SRPRB: variants seen among roughly 807,000 people sequenced by gnomAD.
The protein encoded by SRPRB is signal recognition particle receptor subunit beta.
In SRPRB, 20 loss-of-function variants were observed where a neutral mutation model predicts 31.9. The ratio of observed to expected loss-of-function variants is 0.63; its 90% CI spans 0.44 to 0.91. The LOEUF (loss-of-function observed/expected upper bound fraction) is 0.91. Among genes scored for constraint, SRPRB ranks in the 40% least tolerant of loss-of-function variants. SRPRB has a pLI of 0.00. For synonymous variants in SRPRB, 146 were observed against 132.8 expected (o/e 1.10, Z -0.68); for missense variants, 321 against 324.9 (o/e 0.99, Z 0.09).
At chr3:133,795,341 C>G (rs1405709833) in intron 1 of SRPRB, 1 of 152,160 alleles carries the variant, frequency 6.6e-6, no homozygotes, top group Non-Finnish European at 1.5e-5. Flanking sequence ...GCTGTATTCT[C>G]TCAACGGTTT....
downstream of SRPRB, chr3:133,827,933 T>C (rs534397183): frequency 1.4e-6 from 1 of 702,848 alleles, no homozygotes; most frequent in East Asian, 2.7e-5. Context: ...GAAGTACACA[T>C]GGCACCCCAG....
chr3:133,789,984 C>T (rs116610983), intron 1 of SRPRB: 275 of 140,668 alleles, frequency 2.0e-3, no homozygotes, highest in African/African-American at 6.3e-3. Context: ...AACTTTGAGG[C>T]TCTTACTTAG....
At chr3:133,817,482 T>C (rs896893510) in intron 6 of SRPRB, among the ~76,000 whole-genome samples, 2 of 152,202 alleles carry the variant, frequency 1.3e-5, no homozygotes, top group African/African-American at 4.8e-5. Context: ...TTAAAATACT[T>C]GGCAATATTA....
intron 2 of SRPRB, among the ~76,000 whole-genome samples, 190 bp downstream of exon 2, chr3:133,806,893 CTTTTT>C (rs76635982): frequency 6.7e-6 from 1 of 148,762 alleles, no homozygotes; most frequent in Non-Finnish European, 1.5e-5. Context: ...GTCATTTCTC[CTTTTT>C]TTTTTCTGTT....
rs1443951889 is a variant in SRPRB at position 133,805,838 on chromosome 3, G to A, written c.-11G>A. 6.2e-7 allele frequency: 1 copy of A among 1,603,084 alleles called. No homozygotes were observed. The highest frequency in any genetic ancestry group is 8.5e-7 in the Non-Finnish European group (1 of 1,174,856). ...TCGCTTTTGCTGTACCGGGGACCAC[G>A]CGTCTCATCCATGGCTTCCGCGGAC... On this transcript the variant is annotated 5_prime_UTR_variant, in exon 1 of 7. Transcript: ENST00000678299.
At chr3:133,784,471 A>AAAAAATAATAAT (rs763086171) in intron 1 of SRPRB, 24 of 105,596 alleles carry the variant, frequency 2.3e-4, no homozygotes, top group African/African-American at 9.0e-4. Flanking sequence ...TTTGTTAAAA[A>AAAAAATAATAAT]AATAATAATA....
chr3:133,825,655 G>A (rs1312992440), downstream of SRPRB: 3 of 152,192 alleles, frequency 2.0e-5, no homozygotes, highest in Non-Finnish European at 4.4e-5. Context: ...GTTTCCACTT[G>A]TAAATAGGCT....
chr3:133,807,811 C>T lies in SRPRB; in HGVS notation c.315C>T (p.Val105=), dbSNP rs112398870. The part of the protein sequence containing the change: ...SITDSCAVYR[V]NNNRGNSLTL... The stretch of plus-strand genomic sequence containing the variant: ...CTGACAGCTGTGCTGTATACAGAGT[C>T]AACAATAACAGGGTAAGATGTTTGT... Residue 105 remains valine, a synonymous_variant, in exon 3 of 7, where the codon GTC becomes GTT. Transcript: ENST00000678299. 3,923 of 1,609,990 alleles carry T rather than the reference C, an allele frequency of 2.4e-3. 82 individuals are homozygous for T. The African/African-American group carries it at 0.044, about 18-fold the overall frequency.
intron 3 of SRPRB, among the ~76,000 whole-genome samples, chr3:133,809,771 A>C (rs1181274986): frequency 6.6e-6 from 1 of 152,212 alleles, no homozygotes; most frequent in Admixed American, 6.5e-5. Flanking sequence ...AAGAACGTAA[A>C]GTATCATTAA....
intron 1 of SRPRB, chr3:133,792,080 T>C (rs1934853657): frequency 6.6e-6 from 1 of 152,194 alleles, no homozygotes; most frequent in Admixed American, 6.5e-5. Flanking sequence ...TGCTTTAAGG[T>C]CATAAACCGC....
At chr3:133,816,803 T>C in intron 5 of SRPRB, 75 bp from the exon 6 acceptor site, 1 of 1,176,258 alleles carries the variant, frequency 8.5e-7, no homozygotes, top group South Asian at 1.6e-5. Flanking sequence ...ATAGGAATTT[T>C]CCTTCTGTGT....
At chr3:133,799,368 G>A (rs1935028323) in intron 1 of SRPRB, among the ~76,000 whole-genome samples, 1 of 152,144 alleles carries the variant, frequency 6.6e-6, no homozygotes, top group African/African-American at 2.4e-5. Flanking sequence ...GTGCAGTAGA[G>A]CTATATGAAC....
chr3:133,802,867 A>T (rs898345823), upstream of SRPRB, among the ~76,000 whole-genome samples: 2 of 152,216 alleles, frequency 1.3e-5, no homozygotes, highest in African/African-American at 4.8e-5. Flanking sequence ...GACAATTTTC[A>T]TTCTGGCTAC....
chr3:133,823,686 G>T (rs1191604891), downstream of SRPRB, among the ~76,000 whole-genome samples: 2 of 152,132 alleles, frequency 1.3e-5, no homozygotes, highest in Non-Finnish European at 2.9e-5. Flanking sequence ...CTGGCTTTCT[G>T]AGCATCTTTT....
intron 6 of SRPRB, 146 bp from the exon 7 acceptor site, chr3:133,819,407 T>A: frequency 8.2e-6 from 3 of 366,558 alleles, no homozygotes; most frequent in Non-Finnish European, 1.3e-5. Context: ...GACTTATAAA[T>A]GCAAAGGATT....
rs369079703 is a variant in SRPRB, at chr3:133,799,555, T to C, written c.-173-6121T>C. 5.9e-5 allele frequency among the ~76,000 whole-genome samples: 9 copies of C among 152,350 alleles called. No homozygotes were observed. The East Asian group carries it at 1.2e-3, about 20-fold the overall frequency. The stretch of plus-strand genomic sequence containing the variant: ...AATAATTATTTTAATTTTGCATTTT[T>C]ATGTACCATTCAACTTCTCAAAATG... On this transcript the variant is annotated intron_variant, in intron 1 of 7. Transcript: ENST00000466490.
chr3:133,814,038 C>T (rs1249120798), intron 4 of SRPRB, among the ~76,000 whole-genome samples: 1 of 152,164 alleles, frequency 6.6e-6, no homozygotes, highest in East Asian at 1.9e-4. Flanking sequence ...AGGCTTTGTG[C>T]AGGGCATTCA....
At chr3:133,827,626 C>T (rs531268431), downstream of SRPRB, 297 of 484,182 alleles carry the variant, frequency 6.1e-4, no homozygotes, top group South Asian at 9.9e-4. Context: ...ACTTCAACTG[C>T]GCCATGCCAC....
rs200019983 is a variant in SRPRB at position 133,805,828 on chromosome 3, C to T, written c.-21C>T. The T allele has an allele frequency of 2.5e-4, 402 of 1,596,732 alleles. No homozygotes were observed. The highest frequency in any genetic ancestry group is 3.2e-4 in the Non-Finnish European group (378 of 1,172,016). ...CAGGGCCACGTCGCTTTTGCTGTAC[C>T]GGGGACCACGCGTCTCATCCATGGC... On this transcript the variant is annotated 5_prime_UTR_variant, in exon 1 of 7. Transcript: ENST00000678299.
Sources: allele counts gnomAD v4.1 joint callset (sites outside exome capture counted in the v4.1 genomes callset), GRCh38; gene constraint gnomAD v4.1.1; transcripts MANE v1.5; gene names NCBI Gene and HGNC (gene_info 2026-07-23, HGNC 2026-07-21).